SRBD1: variants seen among roughly 807,000 people sequenced by gnomAD.
The protein encoded by SRBD1 is S1 RNA-binding domain-containing protein 1.
A neutral mutation model predicts 115.3 loss-of-function variants in SRBD1; 88 were observed. The observed-to-expected ratio is 0.76, with a 90% CI of 0.64 to 0.91. SRBD1 has a LOEUF of 0.91. Among genes scored for constraint, SRBD1 ranks in the 40% least tolerant of loss-of-function variants. SRBD1 has a pLI of 0.00. For synonymous variants in SRBD1, 509 were observed against 407.7 expected, an observed-to-expected ratio of 1.25 and a Z score of -2.99; for missense variants, 1,385 against 1,177.4, an observed-to-expected ratio of 1.18 and a Z score of -2.58.
At chr2:45,447,443 T>C (rs940186120) in intron 16 of SRBD1, 3 of 77,252 alleles carry the variant, frequency 3.9e-5, no homozygotes, top group Non-Finnish European at 7.5e-5. Context: ...CGAGGCTCTA[T>C]CTCAAAAACA....
chr2:45,543,389 T>C (rs1253602100), intron 14 of SRBD1, among the ~76,000 whole-genome samples: 3 of 152,194 alleles, frequency 2.0e-5, no homozygotes, highest in African/African-American at 7.2e-5. Flanking sequence ...TTAGGATATA[T>C]ATCATGGCAT....
At chr2:45,508,808 T>C (rs945117379) in intron 14 of SRBD1, among the ~76,000 whole-genome samples, 2 of 152,184 alleles carry the variant, frequency 1.3e-5, no homozygotes, top group African/African-American at 4.8e-5. Flanking sequence ...AGATAATAAA[T>C]GATTTTTACT....
chr2:45,488,127 T>C (rs992474260), intron 15 of SRBD1, 113 bp downstream of exon 15: 1 of 801,280 alleles, frequency 1.2e-6, no homozygotes, highest in Non-Finnish European at 2.1e-6. Flanking sequence ...CCAATTCTTA[T>C]GCATGTAGTA....
chr2:45,574,657 T>C lies in SRBD1; in HGVS notation c.1139A>G (p.Asp380Gly). 1.9e-6 allele frequency: 3 copies of C among 1,613,894 alleles called. No individual in the cohort carries two copies. Among genetic ancestry groups the C allele is most frequent in the Non-Finnish European group, 2.5e-6 (3 of 1,179,894 alleles). Residue 380 changes from aspartate (D) to glycine (G), a missense_variant, in exon 8 of 21, where the codon GAC becomes GGC. By Grantham distance (94) the Asp-to-Gly change is moderately conservative (BLOSUM62 -1). Coordinates refer to ENST00000263736, the MANE Select transcript of SRBD1 (RefSeq NM_018079.5). ...QHILADMIAKDKDTLDFIRNL... is the reference protein window; with the variant it reads ...QHILADMIAKGKDTLDFIRNL... ...CCGAATGAAGTCAAGCGTGTCTTTG[T>C]CTTTAGCAATCATATCTGCTAAAAT...
intron 10 of SRBD1, among the ~76,000 whole-genome samples, chr2:45,558,498 A>G (rs908027464): frequency 4.6e-5 from 7 of 152,030 alleles, no homozygotes; most frequent in African/African-American, 1.7e-4. Flanking sequence ...TCATTTGCTG[A>G]ATCTGGACCT....
chr2:45,502,009 C>T (rs1670647293), intron 14 of SRBD1, among the ~76,000 whole-genome samples: 1 of 152,176 alleles, frequency 6.6e-6, no homozygotes, highest in Non-Finnish European at 1.5e-5. Context: ...GGTCCCTGAC[C>T]TCCGAGTAGC....
intron 16 of SRBD1, among the ~76,000 whole-genome samples, chr2:45,437,070 T>C (rs941991380): frequency 4.6e-5 from 7 of 152,000 alleles, no homozygotes; most frequent in Admixed American, 6.6e-5. Flanking sequence ...ATGTATAAGA[T>C]CTATAAGAAG....
chr2:45,437,577 C>T (rs931925532), intron 16 of SRBD1, among the ~76,000 whole-genome samples: 2 of 152,048 alleles, frequency 1.3e-5, no homozygotes, highest in Non-Finnish European at 2.9e-5. Context: ...CAAAATGAAT[C>T]ATAAGACAGA....
chr2:45,471,518 T>C (rs1327170162), intron 16 of SRBD1, among the ~76,000 whole-genome samples: 1 of 152,186 alleles, frequency 6.6e-6, no homozygotes, highest in Non-Finnish European at 1.5e-5. Flanking sequence ...GTTCTTATTG[T>C]CTTAGAACTA....
Position 45,585,517 on chromosome 2 carries a change from A to T in SRBD1, c.815+91T>A, listed in dbSNP as rs911328171. On this transcript the variant is annotated intron_variant, in intron 5 of 20. Coordinates refer to ENST00000263736, the MANE Select transcript of SRBD1 (RefSeq NM_018079.5). ...AATAATTCAAGGAAACAAAATGTTG[A>T]AATTGTCAAATATACCGTCATTCAC... 3.7e-5 allele frequency: 52 copies of T among 1,388,790 alleles called. No homozygotes were observed. In the Middle Eastern group the frequency reaches 1.1e-3, roughly 29 times the overall value. The allele number at this position is 1,388,790 out of a possible 1,614,324, so 86.0% of individuals were successfully genotyped here. A position where few individuals can be genotyped will look rare whatever the true frequency, so the allele number is the denominator to read the frequency against.
At chr2:45,434,165 T>C (rs1668420438) in intron 16 of SRBD1, among the ~76,000 whole-genome samples, 1 of 152,380 alleles carries the variant, frequency 6.6e-6, no homozygotes, top group Middle Eastern at 3.4e-3. Context: ...TCAAGCCAAC[T>C]TGACAGAAGG....
At chr2:45,592,847 T>C (rs948889641) in intron 4 of SRBD1, among the ~76,000 whole-genome samples, 10 of 152,144 alleles carry the variant, frequency 6.6e-5, no homozygotes, top group Non-Finnish European at 1.3e-4. Context: ...ATGCAAATTC[T>C]TGGGTCCCAC....
chr2:45,586,631 G>C (rs899831869), intron 4 of SRBD1, among the ~76,000 whole-genome samples: 21 of 151,494 alleles, frequency 1.4e-4, no homozygotes, highest in African/African-American at 4.8e-4. Context: ...ATGCAACCTT[G>C]AACTCGCAGG....
intron 8 of SRBD1, among the ~76,000 whole-genome samples, chr2:45,573,854 C>A (rs1673094937): frequency 6.6e-6 from 1 of 152,180 alleles, no homozygotes; most frequent in Admixed American, 6.5e-5. Context: ...GCTGGAGCCA[C>A]TGAGAAAATA....
chr2:45,418,442 T>C lies in SRBD1; in HGVS notation c.2256A>G (p.Lys752=), dbSNP rs562739509. 56 of 1,613,942 alleles carry C rather than the reference T, an allele frequency of 3.5e-5. No homozygotes were observed. The highest frequency in any genetic ancestry group is 1.6e-4 in the Middle Eastern group (1 of 6,082). ...FINREQLKKV[K]GLGPKSFQQC... is the part of the protein sequence containing the mutation. ...GTTGGAAGGATTTTGGGCCCAGCCCTTTCACTTTCTTCAGCTGTTCTCGGT... is the reference window on the plus strand; with the variant it reads ...GTTGGAAGGATTTTGGGCCCAGCCCCTTCACTTTCTTCAGCTGTTCTCGGT... The change falls in exon 18 of 21, where the codon AAA becomes AAG. Residue 752 remains lysine (K), a synonymous_variant. Coordinates refer to ENST00000263736, the MANE Select transcript of SRBD1 (RefSeq NM_018079.5).
intron 18 of SRBD1, among the ~76,000 whole-genome samples, chr2:45,416,502 T>C (rs553268933): frequency 2.0e-5 from 3 of 152,296 alleles, no homozygotes; most frequent in Admixed American, 2.0e-4. Flanking sequence ...TTAAATTTTA[T>C]GCAGACAATA....
chr2:45,394,775 T>C lies in SRBD1; in HGVS notation c.2514-1646A>G, dbSNP rs995305257. ...TTACAGCCATATATATGGCCAAAAATAGACACACTTTATGGTATCCGACTA... is the reference window on the plus strand; with the variant it reads ...TTACAGCCATATATATGGCCAAAAACAGACACACTTTATGGTATCCGACTA... On this transcript the variant is annotated intron_variant, in intron 19 of 20. Transcript: ENST00000263736. Among the ~76,000 whole-genome samples, 8 of 152,216 alleles carry C rather than the reference T, an allele frequency of 5.3e-5. 1 individual carries two copies. The East Asian group carries it at 5.8e-4, about 11-fold the overall frequency.
At chr2:45,567,396 G>T (rs1672864698) in intron 9 of SRBD1, among the ~76,000 whole-genome samples, 1 of 152,128 alleles carries the variant, frequency 6.6e-6, no homozygotes, top group Non-Finnish European at 1.5e-5. Flanking sequence ...GACTGGTTGA[G>T]CTCAGGAGTT....
chr2:45,537,748 C>T (rs187020461), intron 14 of SRBD1, among the ~76,000 whole-genome samples: 1 of 152,220 alleles, frequency 6.6e-6, no homozygotes, highest in Non-Finnish European at 1.5e-5. Flanking sequence ...CCATCACATG[C>T]CAAGTGGAAG....
Sources: allele counts gnomAD v4.1 joint callset (sites outside exome capture counted in the v4.1 genomes callset), GRCh38; gene constraint gnomAD v4.1.1; transcripts MANE v1.5; gene names NCBI Gene and HGNC (gene_info 2026-07-23, HGNC 2026-07-21).